NRG2: variants seen among roughly 807,000 people sequenced by gnomAD.
NRG2 encodes the protein pro-neuregulin-2, membrane-bound isoform.
A neutral mutation model predicts 73.9 loss-of-function variants in NRG2; 27 were observed. The ratio of observed to expected loss-of-function variants is 0.37; its 90% confidence interval spans 0.27 to 0.50. NRG2 has a LOEUF of 0.50. Among genes scored for constraint, NRG2 ranks in the 20% least tolerant of loss-of-function variants. The pLI, the probability that NRG2 is intolerant of heterozygous loss-of-function variation, is 0.96. For missense variants in NRG2, 1,126 were observed against 1,210.1 expected (o/e 0.93, Z 1.03); for synonymous variants, 532 against 541.0 (o/e 0.98, Z 0.23).
chr5:139,867,783 T>TGTGC lies in NRG2; in HGVS notation c.1113-2159_1113-2158insGCAC, dbSNP rs60628678. ...AAACCTGTGTGTGTGTGTGTGTGTG[T>TGTGC]GTGTGTGTGTGTGTATGAGTGTGTG... On this transcript the variant is annotated intron_variant, in intron 4 of 9. Coordinates refer to ENST00000361474, the MANE Select transcript of NRG2 (RefSeq NM_004883.3). 6.7e-4 allele frequency among the ~76,000 whole-genome samples: 93 copies of TGTGC among 139,310 alleles called. 1 individual carries two copies. The East Asian group carries it at 0.016, about 25-fold the overall frequency. The allele number at this position is 139,310 out of a possible 152,430, so 91.4% of individuals were successfully genotyped here.
chr5:139,947,522 A>C (rs1753886626), intron 1 of NRG2, among the ~76,000 whole-genome samples: 1 of 152,212 alleles, frequency 6.6e-6, no homozygotes, highest in Non-Finnish European at 1.5e-5. Flanking sequence ...GTTTATTACG[A>C]ATAATGCTTC....
chr5:139,985,233 G>C (rs1013237203), intron 1 of NRG2, among the ~76,000 whole-genome samples: 4 of 151,760 alleles, frequency 2.6e-5, no homozygotes, highest in East Asian at 3.9e-4. Context: ...CCAGCTACTC[G>C]AGAGGCTGAG....
Position 139,904,384 on chromosome 5 carries a change from C to T in NRG2, c.701-16873G>A. 1 of 1,574,992 alleles carries T rather than the reference C, an allele frequency of 6.3e-7. No individual in the cohort carries two copies. Among genetic ancestry groups the T allele is most frequent in the Non-Finnish European group, 8.6e-7 (1 of 1,165,008 alleles). The stretch of plus-strand genomic sequence containing the variant: ...CTTGCCGCGGCCGCGGCCCCTCCTC[C>T]TGGACTCCGACATTCTGCACGGGGT... On this transcript the variant is annotated intron_variant, in intron 1 of 9. Transcript: ENST00000361474. The surrounding 1 kb of genome is among the most constrained non-coding windows in gnomAD (Gnocchi z 6.0).
rs1350875023 is a variant in NRG2, at chr5:140,042,796, C to G, written c.274G>C (p.Gly92Arg). 1.3e-6 allele frequency: 2 copies of G among 1,508,324 alleles called. No homozygotes were observed. Among genetic ancestry groups the G allele is most frequent in the Non-Finnish European group, 1.8e-6 (2 of 1,130,186 alleles). The allele number at this position is 1,508,324 out of a possible 1,614,324, so 93.4% of individuals were successfully genotyped here. The change falls in exon 1 of 10, where the codon GGC becomes CGC. Residue 92 changes from glycine (G) to arginine (R), a missense_variant. Physicochemically the swap from Gly to Arg is moderately radical, Grantham distance 125 (BLOSUM62 -2). Around this residue, in one of 3 missense-constraint regions of NRG2, gnomAD observed 185 missense variants for 149.0 expected, o/e 1.24. Coordinates refer to ENST00000361474, the MANE Select transcript of NRG2 (RefSeq NM_004883.3). ...CCGGGGGCCGGGTCGCGCCTCATGC[C>G]GCCGGCGGCTGCGGCTCGCGAACGG... is the stretch of plus-strand genomic sequence containing the variant. The part of the protein sequence containing the change: ...AARSRAAAAG[G>R]MRRDPAPGFS...
rs1761140313 is a variant in NRG2 at position 139,848,253 on chromosome 5, C to G, written c.2217G>C (p.Gly739=). ...GGCGCGAGCGGCGCCAGCGCCGGGG[C>G]CCCGCCGACGTCCTGCGGGACGCAC... ...ARGASRRTSA[G]PRRWRRSRLN... Residue 739 remains glycine (G), a synonymous_variant, in exon 10 of 10, where the codon GGG becomes GGC. Coordinates refer to ENST00000361474, the MANE Select transcript of NRG2 (RefSeq NM_004883.3). 8.9e-7 allele frequency: 1 copy of G among 1,120,204 alleles called. No homozygotes were observed. The highest frequency in any genetic ancestry group is 4.3e-5 in the South Asian group (1 of 23,398). The allele number at this position is 1,120,204 out of a possible 1,614,324, so 69.4% of individuals were successfully genotyped here.
intron 1 of NRG2, among the ~76,000 whole-genome samples, chr5:139,994,675 GT>G (rs529678355): frequency 1.3e-5 from 2 of 152,272 alleles, no homozygotes; most frequent in South Asian, 4.1e-4. Flanking sequence ...GCCAAATGAA[GT>G]GGTATAGACT....
intron 1 of NRG2, among the ~76,000 whole-genome samples, chr5:139,988,357 C>G (rs1343935535): frequency 6.6e-6 from 1 of 152,034 alleles, no homozygotes; most frequent in Non-Finnish European, 1.5e-5. Context: ...CACAGATGTT[C>G]ATATCATCTT....
intron 1 of NRG2, chr5:140,019,442 A>G (rs1760047668): frequency 6.6e-6 from 1 of 152,214 alleles, no homozygotes; most frequent in Admixed American, 6.5e-5. Flanking sequence ...TAATCCCCTT[A>G]TCAGTCCTGT....
chr5:139,969,757 A>T (rs1231821330), intron 1 of NRG2, among the ~76,000 whole-genome samples: 2 of 152,182 alleles, frequency 1.3e-5, no homozygotes, highest in Non-Finnish European at 2.9e-5. Flanking sequence ...TCCACCCCAA[A>T]TAATAGATGA....
chr5:139,908,299 G>A (rs1295089205), intron 1 of NRG2, among the ~76,000 whole-genome samples: 2 of 152,230 alleles, frequency 1.3e-5, no homozygotes, highest in East Asian at 3.9e-4. Context: ...GAATGTGCAG[G>A]ATGGATGGGA....
Position 139,904,460 on chromosome 5 carries a change from C to T in NRG2, c.701-16949G>A. 3 of 1,000,516 alleles carry T rather than the reference C, an allele frequency of 3.0e-6. No homozygotes were observed. Among genetic ancestry groups the T allele is most frequent in the East Asian group, 2.8e-5 (1 of 35,936 alleles). The allele number at this position is 1,000,516 out of a possible 1,614,324, so 62.0% of individuals were successfully genotyped here. ...CTCCGCTGCCGCGCTGCGCCCCCGC[C>T]GCCTGCAGCCTCAGTGCCCGAGCGC... On this transcript the variant is annotated intron_variant, in intron 1 of 9. Coordinates refer to ENST00000361474, the MANE Select transcript of NRG2 (RefSeq NM_004883.3). This position sits in a 1 kb window ranked among gnomAD's most constrained non-coding sequence, Gnocchi z 6.0.
At chr5:139,991,463 A>T (rs1257294747) in intron 1 of NRG2, among the ~76,000 whole-genome samples, 2 of 151,918 alleles carry the variant, frequency 1.3e-5, no homozygotes, top group Admixed American at 6.6e-5. Flanking sequence ...ATTATTATTA[A>T]TATAACTATT....
At position 139,852,871 on chromosome 5, in the gene NRG2, G is replaced by A. The variant is rs1761547915; in HGVS notation, c.1416+33C>T. 1.9e-6 allele frequency: 3 copies of A among 1,612,434 alleles called. No homozygotes were observed. Among genetic ancestry groups the A allele is most frequent in the African/African-American group, 1.3e-5 (1 of 74,944 alleles). On this transcript the variant is annotated intron_variant, in intron 7 of 9. Coordinates refer to ENST00000361474, the MANE Select transcript of NRG2 (RefSeq NM_004883.3). The surrounding 1 kb of genome is among the most constrained non-coding windows in gnomAD (Gnocchi z 4.4). The stretch of plus-strand genomic sequence containing the variant: ...ATGAGAAGGCTGGCTGTCCACTGAG[G>A]GCTCAGAAGGGGGCCCCAGGAAAGC...
chr5:139,938,953 G>C (rs1435384778), intron 1 of NRG2, among the ~76,000 whole-genome samples: 3 of 105,230 alleles, frequency 2.9e-5, no homozygotes, highest in Non-Finnish European at 5.9e-5. Flanking sequence ...AAGAAAGAAA[G>C]AAAGAAAAAA....
intron 1 of NRG2, among the ~76,000 whole-genome samples, chr5:139,978,217 G>A (rs968134976): frequency 6.6e-6 from 1 of 152,138 alleles, no homozygotes; most frequent in Non-Finnish European, 1.5e-5. Context: ...CTAATATCCA[G>A]CATCTACAAT....
chr5:139,913,087 T>A (rs1209103151), intron 1 of NRG2, among the ~76,000 whole-genome samples: 1 of 152,182 alleles, frequency 6.6e-6, no homozygotes, highest in Non-Finnish European at 1.5e-5. Context: ...GTGGGGCTGC[T>A]CATGGGAAGT....
chr5:139,898,315 A>G (rs890843119), intron 1 of NRG2, among the ~76,000 whole-genome samples: 5 of 152,264 alleles, frequency 3.3e-5, no homozygotes, highest in Non-Finnish European at 7.3e-5. Context: ...CACCGCAGGC[A>G]TGAGAGGTGA....
At chr5:139,901,775 G>C (rs915927640) in intron 1 of NRG2, among the ~76,000 whole-genome samples, 6 of 152,184 alleles carry the variant, frequency 3.9e-5, no homozygotes, top group Non-Finnish European at 1.5e-5. Context: ...TCCAGCAGAG[G>C]AGACTTTTTT....
chr5:139,974,614 T>C (rs2126541528), intron 1 of NRG2, among the ~76,000 whole-genome samples: 1 of 152,258 alleles, frequency 6.6e-6, no homozygotes. Context: ...TAGTTTTTTT[T>C]CTACCAGTGA....
Sources: gnomAD v4.1 joint callset for allele counts (sites outside exome capture counted in the v4.1 genomes callset) on GRCh38, gnomAD v4.1.1 for gene constraint, gnomAD v4.1.1 regional missense constraint, Gnocchi (gnomAD v3.1) non-coding constraint, MANE v1.5 for transcripts, NCBI Gene and HGNC (gene_info 2026-07-23, HGNC 2026-07-21) for gene names.